The following MAF variants were observed in gnomAD, a reference collection of about 807,000 sequenced individuals.
The protein encoded by MAF is transcription factor Maf.
MAF carries 10 observed loss-of-function variants against 22.0 expected under a neutral mutation model. The ratio of observed to expected loss-of-function variants is 0.45; its 90% CI spans 0.28 to 0.77. MAF has a LOEUF of 0.77. Among genes scored for constraint, MAF ranks in the 30% least tolerant of loss-of-function variants. The pLI, the probability that MAF is intolerant of heterozygous loss-of-function variation, is 0.12. For synonymous variants in MAF, 337 were observed against 255.8 expected (o/e 1.32, Z -3.03); for missense variants, 544 against 548.4 (o/e 0.99, Z 0.08).
At chr16:79,226,243 G>A in the MAF span, among the ~76,000 whole-genome samples, 3 of 152,138 alleles carry the variant, frequency 2.0e-5, no homozygotes, top group Non-Finnish European at 2.9e-5. Context: ...CATGGATGAA[G>A]CTGAAAACCA....
chr16:79,291,496 C>T, the MAF span, among the ~76,000 whole-genome samples: 2 of 151,928 alleles, frequency 1.3e-5, no homozygotes, highest in African/African-American at 4.8e-5. Flanking sequence ...TCTGAGTCTC[C>T]TTACCTTTTC....
chr16:79,283,326 C>T, the MAF span, among the ~76,000 whole-genome samples: 37 of 152,318 alleles, frequency 2.4e-4, no homozygotes, highest in African/African-American at 8.9e-4. Context: ...TCCCAGTTCA[C>T]AATAAGTACA....
the MAF span, among the ~76,000 whole-genome samples, chr16:79,329,628 C>G: frequency 2.0e-5 from 3 of 152,226 alleles, no homozygotes; most frequent in South Asian, 6.2e-4. Flanking sequence ...GTCACGGTGT[C>G]TTCCCCCATC....
the MAF span, among the ~76,000 whole-genome samples, chr16:79,547,881 CGT>C: frequency 1.1e-4 from 15 of 142,762 alleles, no homozygotes; most frequent in African/African-American, 3.1e-4. Flanking sequence ...TGTGTGTGTG[CGT>C]GTGTGTGTGT....
At chr16:79,502,708 A>AATATATATATATATATATAT in the MAF span, among the ~76,000 whole-genome samples, 5 of 33,992 alleles carry the variant, frequency 1.5e-4, no homozygotes, top group Non-Finnish European at 2.2e-4. Flanking sequence ...TATAAATATA[A>AATATATATATATATATATAT]ATATATATAT....
At chr16:79,530,954 G>T in the MAF span, among the ~76,000 whole-genome samples, 1 of 152,164 alleles carries the variant, frequency 6.6e-6, no homozygotes, top group Non-Finnish European at 1.5e-5. Context: ...GGTGGGGAGA[G>T]GCCCAAAGGG....
chr16:79,215,302 G>C, the MAF span, among the ~76,000 whole-genome samples: 115 of 152,114 alleles, frequency 7.6e-4, 2 homozygotes, highest in Middle Eastern at 0.014. Context: ...GGCTAGTCTG[G>C]AACTCCTGGC....
At chr16:79,374,134 G>T in the MAF span, among the ~76,000 whole-genome samples, 2 of 152,122 alleles carry the variant, frequency 1.3e-5, no homozygotes, top group Non-Finnish European at 2.9e-5. Flanking sequence ...AGGTACCCTG[G>T]GGTCTTTGAC....
the MAF span, among the ~76,000 whole-genome samples, chr16:79,215,313 C>T: frequency 6.6e-6 from 1 of 152,138 alleles, no homozygotes; most frequent in Non-Finnish European, 1.5e-5. Context: ...AACTCCTGGC[C>T]TTAAGCAATC....
At chr16:79,273,995 C>G in the MAF span, among the ~76,000 whole-genome samples, 9 of 134,380 alleles carry the variant, frequency 6.7e-5, no homozygotes, top group African/African-American at 2.5e-4. Context: ...TGCTCTGTCA[C>G]CCAGGTTAGA....
chr16:79,395,052 C>G, the MAF span, among the ~76,000 whole-genome samples: 1 of 152,118 alleles, frequency 6.6e-6, no homozygotes, highest in African/African-American at 2.4e-5. Flanking sequence ...ATATATTGTG[C>G]CAGGAATTGT....
At chr16:79,346,023 T>C in the MAF span, among the ~76,000 whole-genome samples, 1 of 152,188 alleles carries the variant, frequency 6.6e-6, no homozygotes, top group South Asian at 2.1e-4. Flanking sequence ...GTTTCTCCGA[T>C]AGGGCTCATT....
At chr16:79,339,794 T>A in the MAF span, among the ~76,000 whole-genome samples, 8 of 152,188 alleles carry the variant, frequency 5.3e-5, no homozygotes, top group Non-Finnish European at 1.0e-4. Flanking sequence ...TTTTCACCAG[T>A]CTTTAAAAGA....
the MAF span, among the ~76,000 whole-genome samples, chr16:79,365,406 C>A: frequency 6.6e-6 from 1 of 152,260 alleles, no homozygotes; most frequent in Non-Finnish European, 1.5e-5. Context: ...TACAACGCTG[C>A]TGATGTTTAC....
the MAF span, among the ~76,000 whole-genome samples, chr16:79,580,154 G>C: frequency 6.6e-6 from 1 of 152,072 alleles, no homozygotes; most frequent in Non-Finnish European, 1.5e-5. Flanking sequence ...TTTTCTTCCA[G>C]GGTCAGGACC....
chr16:79,551,748 C>A, the MAF span, among the ~76,000 whole-genome samples: 1 of 152,254 alleles, frequency 6.6e-6, no homozygotes, highest in Non-Finnish European at 1.5e-5. Context: ...CAAATTTTAG[C>A]GTCCATAAAT....
the MAF span, among the ~76,000 whole-genome samples, chr16:79,221,256 A>C: frequency 6.6e-6 from 1 of 152,342 alleles, no homozygotes; most frequent in East Asian, 1.9e-4. Context: ...ATGATGAAGT[A>C]CTTGGCTTTG....
At chr16:79,328,419 G>A in the MAF span, among the ~76,000 whole-genome samples, 2 of 152,154 alleles carry the variant, frequency 1.3e-5, no homozygotes, top group South Asian at 2.1e-4. Flanking sequence ...GGCAAAAGGA[G>A]AATTTGAAAT....
At chr16:79,498,929 G>C in the MAF span, among the ~76,000 whole-genome samples, 1 of 152,148 alleles carries the variant, frequency 6.6e-6, no homozygotes, top group Admixed American at 6.5e-5. Flanking sequence ...AGAGTCTAGT[G>C]GGCAAGGCAG....
Sources: allele counts gnomAD v4.1 joint callset (sites outside exome capture counted in the v4.1 genomes callset), GRCh38; gene constraint gnomAD v4.1.1; transcripts MANE v1.5; gene names NCBI Gene and HGNC (gene_info 2026-07-23, HGNC 2026-07-21).